Variants in KCTD20 observed in about 807,000 individuals in gnomAD.
The protein encoded by KCTD20 is potassium channel tetramerization domain containing 20, also known as BTB/POZ domain-containing protein KCTD20.
In KCTD20, 30 loss-of-function variants were observed where a neutral mutation model predicts 39.6. That is an observed-to-expected ratio of 0.76 (90% CI 0.57 to 1.03). The LOEUF is 1.03. Among genes scored for constraint, KCTD20 ranks in the 50% least tolerant of loss-of-function variants. KCTD20 has a pLI of 0.00. For synonymous variants in KCTD20, 162 were observed against 180.6 expected (o/e 0.90, Z 0.83); for missense variants, 422 against 522.0 (o/e 0.81, Z 1.87).
At chr6:36,458,397 C>T (rs967953605) in intron 1 of KCTD20, among the ~76,000 whole-genome samples, 50 of 151,392 alleles carry the variant, frequency 3.3e-4, no homozygotes, top group African/African-American at 1.1e-3. Flanking sequence ...AAAAATTAGC[C>T]GGGCGTGGTG....
At position 36,487,244 on chromosome 6, in the gene KCTD20, G is replaced by A. The variant is rs958150159; in HGVS notation, c.*69G>A. 4.7e-5 allele frequency: 70 copies of A among 1,496,536 alleles called. No individual in the cohort carries two copies. The African/African-American group carries it at 6.7e-4, about 14-fold the overall frequency. 92.7% of individuals were successfully genotyped at this position (1,496,536 alleles called of 1,614,324 possible). On this transcript the variant is annotated 3_prime_UTR_variant, in exon 8 of 8. Coordinates refer to ENST00000373731, the MANE Select transcript of KCTD20 (RefSeq NM_173562.5). The stretch of plus-strand genomic sequence containing the variant: ...GGATGCCTGCAGCCAGCCCTCCCTC[G>A]TGATTTGTCTCACCTTGAGTAGGAG...
intron 1 of KCTD20, among the ~76,000 whole-genome samples, chr6:36,448,734 T>G (rs1422473973): frequency 6.6e-6 from 1 of 152,348 alleles, no homozygotes; most frequent in East Asian, 1.9e-4. Flanking sequence ...TTCCAGTGGG[T>G]TCTTGGTCTC....
At position 36,484,736 on chromosome 6, in the gene KCTD20, C is replaced by T. The variant is rs368886462; in HGVS notation, c.879C>T (p.Tyr293=). The T allele has an allele frequency of 2.9e-4, 455 of 1,593,818 alleles. 1 individual carries two copies. Among genetic ancestry groups the T allele is most frequent in the Non-Finnish European group, 3.8e-4 (445 of 1,166,504 alleles). The change falls in exon 7 of 8, where the codon TAC becomes TAT. Residue 293 remains tyrosine (Y), a synonymous_variant. Transcript: ENST00000373731. ...CAGTTCTTTATAGCTCCAAGCTCTA[C>T]AGATTCTTCAAATATATTGAGAATA... The part of the protein sequence containing the change: ...YSQILYSSKL[Y]RFFKYIENRD...
chr6:36,490,940 C>A lies in KCTD20; in HGVS notation c.*3765C>A, dbSNP rs958242715. The A allele has an allele frequency of 6.6e-6, 1 of 152,132 alleles. No homozygotes were observed. The highest frequency in any genetic ancestry group is 1.5e-5 in the Non-Finnish European group (1 of 68,026). The allele number at this position is 152,132 out of a possible 1,614,324, so 9.4% of individuals were successfully genotyped here. ...CTGAGCTCAGAAAGCAAATATGATG[C>A]TTTCATGGGAGATGGAGCCACATTT... On this transcript the variant is annotated 3_prime_UTR_variant, in exon 8 of 8. Coordinates refer to ENST00000373731, the MANE Select transcript of KCTD20 (RefSeq NM_173562.5).
rs770481910 is a variant in KCTD20 at position 36,474,809 on chromosome 6, T to TC, written c.182dup (p.Gln62SerfsTer15). Reference sequence around the variant, plus strand: ...TTTAGACCTCTCACTTGACTATGCCTCTCAGCCAGCAAATCTTCAGTTCCC... The same window carrying TC: ...TTTAGACCTCTCACTTGACTATGCCTCCTCAGCCAGCAAATCTTCAGTTCCC... On this transcript the variant is annotated frameshift_variant, in exon 3 of 8. Transcript: ENST00000373731. LOFTEE classifies it high-confidence loss of function. 2.5e-6 allele frequency: 4 copies of TC among 1,611,886 alleles called. No homozygotes were observed. In the African/African-American group the frequency reaches 4.0e-5, roughly 16 times the overall value.
chr6:36,446,595 T>C (rs913107120), intron 1 of KCTD20, among the ~76,000 whole-genome samples: 4 of 152,194 alleles, frequency 2.6e-5, no homozygotes, highest in African/African-American at 4.8e-5. Context: ...CAGACCATCC[T>C]GGGCAACACA....
chr6:36,470,933 T>C (rs546536304), intron 2 of KCTD20, among the ~76,000 whole-genome samples: 3 of 152,308 alleles, frequency 2.0e-5, no homozygotes, highest in African/African-American at 7.2e-5. Context: ...GTGGATCACT[T>C]GAGGTCAGGA....
At chr6:36,464,139 A>G (rs2127439472) in intron 1 of KCTD20, among the ~76,000 whole-genome samples, 1 of 152,318 alleles carries the variant, frequency 6.6e-6, no homozygotes, top group South Asian at 2.1e-4. Context: ...GACAAAAAGA[A>G]CTGCTCCCTT....
intron 1 of KCTD20, 50 bp from the exon 2 acceptor site, chr6:36,470,002 T>C (rs1362782823): frequency 8.6e-7 from 1 of 1,160,748 alleles, no homozygotes; most frequent in Non-Finnish European, 1.2e-6. Context: ...ATGGAATTCC[T>C]TAGAAATCTG....
chr6:36,473,351 C>G (rs1037795751), intron 2 of KCTD20, among the ~76,000 whole-genome samples: 1 of 151,994 alleles, frequency 6.6e-6, no homozygotes, highest in African/African-American at 2.4e-5. Context: ...CGTGAGCCAC[C>G]GCACCCGGCC....
chr6:36,470,079 C>G lies in KCTD20; in HGVS notation c.-19C>G, dbSNP rs778908110. 1 of 1,606,270 alleles carries G rather than the reference C, an allele frequency of 6.2e-7. No individual in the cohort carries two copies. The highest frequency in any genetic ancestry group is 8.5e-7 in the Non-Finnish European group (1 of 1,174,862). ...TTTCTCTCTGATCAAACGGACAGTTCAGGACTCAGAATCTAAGGATGAATG... is the reference window on the plus strand; with the variant it reads ...TTTCTCTCTGATCAAACGGACAGTTGAGGACTCAGAATCTAAGGATGAATG... On this transcript the variant is annotated 5_prime_UTR_variant, in exon 2 of 8. Coordinates refer to ENST00000373731, the MANE Select transcript of KCTD20 (RefSeq NM_173562.5).
Position 36,489,022 on chromosome 6 carries a change from A to G in KCTD20, c.*1847A>G, listed in dbSNP as rs1341311614. The G allele has an allele frequency of 6.6e-6, 1 of 152,650 alleles. No individual in the cohort carries two copies. Among genetic ancestry groups the G allele is most frequent in the Non-Finnish European group, 1.5e-5 (1 of 68,050 alleles). 9.5% of individuals were successfully genotyped at this position (152,650 alleles called of 1,614,324 possible). Reference sequence around the variant, plus strand: ...ATTTCTGTGAAACTAATTGGCTCATATTTGAGGTTAGGTGTGGCCTTGACC... The same window carrying G: ...ATTTCTGTGAAACTAATTGGCTCATGTTTGAGGTTAGGTGTGGCCTTGACC... On this transcript the variant is annotated 3_prime_UTR_variant, in exon 8 of 8. Transcript: ENST00000373731.
chr6:36,471,210 A>G (rs1490040981), intron 2 of KCTD20, among the ~76,000 whole-genome samples: 1 of 152,090 alleles, frequency 6.6e-6, no homozygotes, highest in Non-Finnish European at 1.5e-5. Flanking sequence ...AAATTAATAG[A>G]TGTGAAAGAT....
chr6:36,466,552 T>C (rs940571617), intron 1 of KCTD20, among the ~76,000 whole-genome samples: 1 of 151,962 alleles, frequency 6.6e-6, no homozygotes, highest in Non-Finnish European at 1.5e-5. Context: ...TGGCTAATTT[T>C]TAAATTTTTT....
intron 1 of KCTD20, among the ~76,000 whole-genome samples, chr6:36,468,522 A>ATC (rs1775825169): frequency 6.6e-6 from 1 of 152,226 alleles, no homozygotes. Flanking sequence ...AAACCAGTTA[A>ATC]GATTAAAGAA....
intron 1 of KCTD20, among the ~76,000 whole-genome samples, chr6:36,456,557 G>A (rs1775439796): frequency 6.7e-6 from 1 of 149,112 alleles, no homozygotes; most frequent in African/African-American, 2.5e-5. Context: ...GGGATTACAG[G>A]CCTGAGCCAC....
rs1252472781 is a variant in KCTD20, at chr6:36,484,811, C to T, written c.954C>T (p.Arg318=). 6.4e-7 allele frequency: 1 copy of T among 1,563,928 alleles called. No individual in the cohort carries two copies. Among genetic ancestry groups the T allele is most frequent in the African/African-American group, 1.4e-5 (1 of 70,226 alleles). The change falls in exon 7 of 8, where the codon CGC becomes CGT. Residue 318 remains arginine, a synonymous_variant. Coordinates refer to ENST00000373731, the MANE Select transcript of KCTD20 (RefSeq NM_173562.5). The part of the protein sequence containing the change: ...VLKERGLKNI[R]IGIEGYPTCK... ...AGGAACGGGGCCTAAAAAACATTCG[C>T]ATTGGAATTGAAGGTAAAAAAAAAA...
In KCTD20 at chr6:36,490,027, A is replaced by C. The variant is rs1776538011; in HGVS notation, c.*2852A>C. 6.6e-6 allele frequency: 1 copy of C among 152,228 alleles called. No homozygotes were observed. The highest frequency in any genetic ancestry group is 1.5e-5 in the Non-Finnish European group (1 of 68,034). The allele number at this position is 152,228 out of a possible 1,614,324, so 9.4% of individuals were successfully genotyped here. A position where few individuals can be genotyped will look rare whatever the true frequency, so the allele number is the denominator to read the frequency against. ...TGCACAATATGCAGTACCCAGTACT[A>C]CTTTAAATCCCAAGAGAACAGTGTG... On this transcript the variant is annotated 3_prime_UTR_variant, in exon 8 of 8. Coordinates refer to ENST00000373731, the MANE Select transcript of KCTD20 (RefSeq NM_173562.5).
intron 1 of KCTD20, among the ~76,000 whole-genome samples, chr6:36,448,349 A>G (rs1775121960): frequency 6.6e-6 from 1 of 152,220 alleles, no homozygotes; most frequent in Non-Finnish European, 1.5e-5. Flanking sequence ...ACAATGAATT[A>G]TTGTTGCATA....
Sources: gnomAD v4.1 joint callset for allele counts (sites outside exome capture counted in the v4.1 genomes callset) on GRCh38, gnomAD v4.1.1 for gene constraint, MANE v1.5 for transcripts, NCBI Gene and HGNC (gene_info 2026-07-23, HGNC 2026-07-21) for gene names.